Variants in CDA observed in about 807,000 individuals in gnomAD.
The protein encoded by CDA is cytidine deaminase.
A neutral mutation model predicts 15.0 loss-of-function variants in CDA; 7 were observed. The ratio of observed to expected loss-of-function variants is 0.47; its 90% CI spans 0.26 to 0.87. The LOEUF (loss-of-function observed/expected upper bound fraction) is 0.87. Among genes scored for constraint, CDA ranks in the 40% least tolerant of loss-of-function variants. The pLI is 0.15. For missense variants in CDA, 159 were observed against 182.7 expected (o/e 0.87, Z 0.75); for synonymous variants, 58 against 73.0 (o/e 0.79, Z 1.05).
At chr1:20,614,338 C>A (rs2052783872) in intron 3 of CDA, among the ~76,000 whole-genome samples, 1 of 151,994 alleles carries the variant, frequency 6.6e-6, no homozygotes, top group Non-Finnish European at 1.5e-5. Context: ...GGGGACACTG[C>A]AGATTGGGGT....
At chr1:20,617,464 GGGA>G (rs2052823730) in intron 3 of CDA, among the ~76,000 whole-genome samples, 1 of 152,138 alleles carries the variant, frequency 6.6e-6, no homozygotes, top group Non-Finnish European at 1.5e-5. Context: ...GGGACCTGGT[GGGA>G]GGCAATTGAA....
At chr1:20,589,917 G>A (rs181650406) in intron 1 of CDA, among the ~76,000 whole-genome samples, 7 of 151,606 alleles carry the variant, frequency 4.6e-5, no homozygotes, top group Non-Finnish European at 3.0e-5. Flanking sequence ...AGTGAGCAGC[G>A]CCCTGCGGGG....
intron 3 of CDA, among the ~76,000 whole-genome samples, chr1:20,615,452 GC>G (rs1449965420): frequency 9.0e-6 from 1 of 110,746 alleles, no homozygotes; most frequent in South Asian, 2.9e-4. Flanking sequence ...GGGCAACATA[GC>G]GAGACCCTGT....
intron 1 of CDA, among the ~76,000 whole-genome samples, chr1:20,599,234 G>A (rs2052617341): frequency 6.6e-6 from 1 of 152,168 alleles, no homozygotes; most frequent in African/African-American, 2.4e-5. Context: ...AAGGACAACA[G>A]GTCTAGAGAA....
chr1:20,593,803 G>A (rs2052569078), intron 1 of CDA, among the ~76,000 whole-genome samples: 1 of 152,152 alleles, frequency 6.6e-6, no homozygotes, highest in South Asian at 2.1e-4. Context: ...TCGAACTCCT[G>A]ACCTCAAATG....
intron 3 of CDA, among the ~76,000 whole-genome samples, 162 bp downstream of exon 3, chr1:20,614,061 T>C (rs1044292200): frequency 6.6e-6 from 1 of 152,222 alleles, no homozygotes. Flanking sequence ...TACGCTTGCA[T>C]GAGTCACTGG....
intron 3 of CDA, among the ~76,000 whole-genome samples, chr1:20,614,754 G>A (rs2052786696): frequency 6.6e-6 from 1 of 152,230 alleles, no homozygotes; most frequent in Non-Finnish European, 1.5e-5. Context: ...GTAGGTGGAA[G>A]GAAAGCAATG....
intron 1 of CDA, among the ~76,000 whole-genome samples, chr1:20,591,633 T>C (rs749925318): frequency 7.2e-5 from 11 of 152,108 alleles, no homozygotes; most frequent in Admixed American, 1.3e-4. Context: ...ATGGAGGAGA[T>C]AAACAGGACT....
At chr1:20,610,755 T>C (rs1262101426) in intron 2 of CDA, among the ~76,000 whole-genome samples, 1 of 152,218 alleles carries the variant, frequency 6.6e-6, no homozygotes, top group African/African-American at 2.4e-5. Flanking sequence ...GCAGTAACAA[T>C]ATGTATATAA....
chr1:20,594,483 G>A (rs2052574655), intron 1 of CDA, among the ~76,000 whole-genome samples: 1 of 151,934 alleles, frequency 6.6e-6, no homozygotes, highest in South Asian at 2.1e-4. Context: ...CACAGAAGGA[G>A]GATTGAGAAA....
Position 20,611,992 on chromosome 1 carries a change from T to C in CDA, c.267-1850T>C, listed in dbSNP as rs2052756659. Among the ~76,000 whole-genome samples the C allele has an allele frequency of 3.3e-5, 5 of 151,888 alleles. No homozygotes were observed. The South Asian group carries it at 1.0e-3, about 32-fold the overall frequency. On this transcript the variant is annotated intron_variant, in intron 2 of 3. Transcript: ENST00000375071. ...ATCCTCCCACCTCACTCTCCTGAGTTGCTGGGACTACAGGCCTGCACCACC... is the reference window on the plus strand; with the variant it reads ...ATCCTCCCACCTCACTCTCCTGAGTCGCTGGGACTACAGGCCTGCACCACC...
intron 3 of CDA, among the ~76,000 whole-genome samples, chr1:20,617,397 T>C (rs1364066243): frequency 6.6e-6 from 1 of 152,146 alleles, no homozygotes; most frequent in Non-Finnish European, 1.5e-5. Flanking sequence ...TTTGGCTGTG[T>C]CCCCACTCAA....
intron 2 of CDA, among the ~76,000 whole-genome samples, chr1:20,608,127 A>G (rs111265886): frequency 2.0e-5 from 3 of 152,332 alleles, no homozygotes; most frequent in Admixed American, 6.5e-5. Flanking sequence ...GAAGCTGTGA[A>G]GAAACATCCT....
intron 1 of CDA, among the ~76,000 whole-genome samples, chr1:20,592,063 A>G (rs1395317637): frequency 1.3e-5 from 2 of 152,026 alleles, no homozygotes; most frequent in Non-Finnish European, 2.9e-5. Context: ...TCTGGTCTCG[A>G]ACTCTGAGGT....
At chr1:20,596,756 CT>C (rs61288769) in intron 1 of CDA, among the ~76,000 whole-genome samples, 2,282 of 101,082 alleles carry the variant, frequency 0.023, 32 homozygotes, top group East Asian at 0.13. Context: ...CTGTTGATGT[CT>C]TTTTTTTTTT....
At chr1:20,594,666 G>A (rs748101823) in intron 1 of CDA, among the ~76,000 whole-genome samples, 2 of 151,862 alleles carry the variant, frequency 1.3e-5, no homozygotes, top group Admixed American at 6.6e-5. Flanking sequence ...GTAGGTGCCT[G>A]TAATCCCAGC....
At chr1:20,604,034 G>A (rs2052671280) in intron 1 of CDA, among the ~76,000 whole-genome samples, 2 of 134,976 alleles carry the variant, frequency 1.5e-5, no homozygotes, top group African/African-American at 2.6e-5. Context: ...CAAAGCTCGA[G>A]GTGTTTTTTT....
chr1:20,589,333 G>A, intron 1 of CDA, 50 bp downstream of exon 1: 1 of 1,576,804 alleles, frequency 6.3e-7, no homozygotes, highest in Non-Finnish European at 8.7e-7. Flanking sequence ...TGGGTGGTGG[G>A]TCAGAGGAAG....
chr1:20,605,101 C>T, intron 2 of CDA, 62 bp downstream of exon 2: 1 of 972,682 alleles, frequency 1.0e-6, no homozygotes, highest in South Asian at 1.4e-5. Flanking sequence ...ATCTTCCTTA[C>T]ACATATTATT....
Sources: allele counts gnomAD v4.1 joint callset (sites outside exome capture counted in the v4.1 genomes callset), GRCh38; gene constraint gnomAD v4.1.1; transcripts MANE v1.5; gene names NCBI Gene and HGNC (gene_info 2026-07-23, HGNC 2026-07-21).